Variants in GIT2 observed in about 807,000 individuals in gnomAD.
GIT2 encodes the protein GIT ArfGAP 2.
GIT2 carries 32 observed loss-of-function variants against 100.3 expected under a neutral mutation model. The ratio of observed to expected loss-of-function variants is 0.32; its 90% CI spans 0.24 to 0.43. The LOEUF is 0.43. GIT2 is among the 20% of genes least tolerant of loss of function. GIT2 has a pLI of 1.00. For missense variants in GIT2, 737 were observed against 975.1 expected, an observed-to-expected ratio of 0.76 and a Z score of 3.25; for synonymous variants, 353 against 364.1, an observed-to-expected ratio of 0.97 and a Z score of 0.35.
intron 15 of GIT2, among the ~76,000 whole-genome samples, chr12:109,946,795 C>T (rs1027779224): frequency 1.1e-4 from 16 of 152,130 alleles, no homozygotes; most frequent in Non-Finnish European, 7.3e-5. Context: ...GACTCAAGGC[C>T]ACCTGCTTGA....
chr12:109,979,334 G>A (rs924683268), intron 7 of GIT2, among the ~76,000 whole-genome samples: 1 of 147,428 alleles, frequency 6.8e-6, no homozygotes, highest in Non-Finnish European at 1.5e-5. Context: ...GGAGTGCAGT[G>A]GCGCAATCTT....
At chr12:109,983,319 T>C (rs566828283) in intron 6 of GIT2, 54 bp downstream of exon 6, 4 of 1,555,322 alleles carry the variant, frequency 2.6e-6, no homozygotes, top group African/African-American at 1.4e-5. Flanking sequence ...TAACAAGGAA[T>C]CACACCCAAC....
At chr12:109,952,472 A>G (rs1878165693) in intron 13 of GIT2, 2 of 518,704 alleles carry the variant, frequency 3.9e-6, no homozygotes, top group East Asian at 1.1e-4. Context: ...TGGGCTCTGC[A>G]CTGCCTGTGA....
At chr12:109,983,537 C>A in intron 5 of GIT2, 34 bp from the exon 6 acceptor site, 1 of 1,607,878 alleles carries the variant, frequency 6.2e-7, no homozygotes, top group Non-Finnish European at 8.5e-7. Context: ...GGCAAAAGAG[C>A]ACATTAAATA....
At chr12:109,974,212 G>A (rs146587207) in intron 7 of GIT2, among the ~76,000 whole-genome samples, 1,524 of 152,054 alleles carry the variant, frequency 0.01, 28 homozygotes, top group Middle Eastern at 0.037. Context: ...CTTCCTCTTA[G>A]ATCGATGGAT....
In GIT2 at chr12:109,933,905, C is replaced by T. The variant is rs2136120532; in HGVS notation, c.2067+117G>A. On this transcript the variant is annotated intron_variant, in intron 19 of 19. Coordinates refer to ENST00000355312, the MANE Select transcript of GIT2 (RefSeq NM_057169.5). The surrounding 1 kb of genome is among the most constrained non-coding windows in gnomAD (Gnocchi z 4.5). ...CGTGAGCCACCACACCCGGCCTCGA[C>T]TGCATATTTTAAAACTGCATGTGCT... 2.8e-6 allele frequency: 2 copies of T among 723,856 alleles called. No individual in the cohort carries two copies. The highest frequency in any genetic ancestry group is 5.3e-5 in the East Asian group (2 of 37,616). 44.8% of individuals were successfully genotyped at this position (723,856 alleles called of 1,614,324 possible).
Position 109,940,932 on chromosome 12 carries a change from A to C in GIT2, c.1732-1685T>G, listed in dbSNP as rs75719531. On this transcript the variant is annotated intron_variant, in intron 16 of 19. Coordinates refer to ENST00000355312, the MANE Select transcript of GIT2 (RefSeq NM_057169.5). The stretch of plus-strand genomic sequence containing the variant: ...AAACCAAAAAGAAAAAAAAAAAAAA[A>C]CCCCACAAAACTCTACATAAAGCCT... 3.0e-3 allele frequency among the ~76,000 whole-genome samples: 441 copies of C among 148,176 alleles called. 1 individual carries two copies. The highest frequency in any genetic ancestry group is 9.7e-3 in the African/African-American group (389 of 40,168).
chr12:109,952,456 G>C (rs930119033), intron 13 of GIT2: 3 of 516,946 alleles, frequency 5.8e-6, no homozygotes, highest in African/African-American at 1.9e-5. Context: ...CCCAGACATG[G>C]CATCCTGGGC....
intron 13 of GIT2, 186 bp downstream of exon 13, chr12:109,952,906 A>C (rs1878311889): frequency 1.6e-6 from 1 of 609,366 alleles, no homozygotes; most frequent in Non-Finnish European, 2.9e-6. Flanking sequence ...CAAGTTTTAT[A>C]AAGTCTCAAC....
At chr12:109,957,502 A>C (rs913168112) in intron 12 of GIT2, among the ~76,000 whole-genome samples, 7 of 151,558 alleles carry the variant, frequency 4.6e-5, no homozygotes, top group Admixed American at 2.0e-4. Flanking sequence ...AAAAAAGATA[A>C]GTATGTATTT....
At chr12:109,951,106 G>T in intron 14 of GIT2, 61 bp downstream of exon 14, 1 of 1,427,550 alleles carries the variant, frequency 7.0e-7, no homozygotes, top group Non-Finnish European at 9.9e-7. Flanking sequence ...CAGTGCCTGA[G>T]ATTCTTCCTT....
At chr12:109,964,801 T>C (rs1881926587) in intron 9 of GIT2, among the ~76,000 whole-genome samples, 1 of 152,154 alleles carries the variant, frequency 6.6e-6, no homozygotes, top group Non-Finnish European at 1.5e-5. Context: ...CTGAGGAGTA[T>C]ACTTTGGTGG....
At chr12:109,960,268 T>G (rs1359123597) in intron 11 of GIT2, among the ~76,000 whole-genome samples, 1 of 152,228 alleles carries the variant, frequency 6.6e-6, no homozygotes, top group African/African-American at 2.4e-5. Flanking sequence ...TTTTCTTCTA[T>G]TAATGCTTCA....
intron 12 of GIT2, among the ~76,000 whole-genome samples, chr12:109,955,635 A>G (rs1879212928): frequency 6.6e-6 from 1 of 152,104 alleles, no homozygotes; most frequent in African/African-American, 2.4e-5. Flanking sequence ...TTTAACACAC[A>G]TTTCTCCGTA....
At chr12:109,986,699 A>T (rs2136897841) in intron 4 of GIT2, among the ~76,000 whole-genome samples, 1 of 152,244 alleles carries the variant, frequency 6.6e-6, no homozygotes, top group African/African-American at 2.4e-5. Flanking sequence ...CGGGAGGCGG[A>T]GCTTGAAGTG....
intron 7 of GIT2, among the ~76,000 whole-genome samples, chr12:109,975,494 G>A (rs760388833): frequency 3.9e-5 from 6 of 152,154 alleles, no homozygotes; most frequent in Non-Finnish European, 5.9e-5. Flanking sequence ...GATTACAGGT[G>A]TGAGCCATAG....
rs1247152700 is a variant in GIT2, at chr12:109,932,995, T to C, written c.2263A>G (p.Lys755Glu). Residue 755 changes from lysine (K) to glutamate (E), a missense_variant, in exon 20 of 20, where the codon AAA (lysine) becomes GAA (glutamate). Around this residue, in one of 3 missense-constraint regions of GIT2, gnomAD observed 451 missense variants for 543.7 expected, o/e 0.83. Transcript: ENST00000355312. ...TGCCCTTGTCAGTTGTTGTTCTCTTTGGTGGTGATGGTAACCAGCTGCTTG... is the reference window on the plus strand; with the variant it reads ...TGCCCTTGTCAGTTGTTGTTCTCTTCGGTGGTGATGGTAACCAGCTGCTTG... ...AAKQLVTITT[K>E]ENNN 6.2e-7 allele frequency: 1 copy of C among 1,608,008 alleles called. No individual in the cohort carries two copies. The highest frequency in any genetic ancestry group is 1.1e-5 in the South Asian group (1 of 90,920).
chr12:109,970,843 G>A (rs955193107), intron 7 of GIT2, among the ~76,000 whole-genome samples: 8 of 152,218 alleles, frequency 5.3e-5, no homozygotes, highest in African/African-American at 1.9e-4. Flanking sequence ...AGGCTAGAGT[G>A]CAGTGGCACG....
chr12:109,940,680 G>A (rs570671993), intron 16 of GIT2, among the ~76,000 whole-genome samples: 1 of 152,162 alleles, frequency 6.6e-6, no homozygotes, highest in Non-Finnish European at 1.5e-5. Context: ...AGGAATTTGA[G>A]GCCAGCCTAG....
Sources: gnomAD v4.1 joint callset for allele counts (sites outside exome capture counted in the v4.1 genomes callset) on GRCh38, gnomAD v4.1.1 for gene constraint, gnomAD v4.1.1 regional missense constraint, Gnocchi (gnomAD v3.1) non-coding constraint, MANE v1.5 for transcripts, NCBI Gene and HGNC (gene_info 2026-07-23, HGNC 2026-07-21) for gene names.